The following XPNPEP3 variants were observed in gnomAD, a reference collection of about 807,000 sequenced individuals.
XPNPEP3 encodes the protein X-prolyl aminopeptidase 3, also known as xaa-Pro aminopeptidase 3.
XPNPEP3 carries 41 observed loss-of-function variants against 60.0 expected under a neutral mutation model. The ratio of observed to expected loss-of-function variants is 0.68; its 90% CI spans 0.53 to 0.89. The LOEUF is 0.89. XPNPEP3 is among the 40% of genes least tolerant of loss of function. The pLI is 0.00. For missense variants in XPNPEP3, 598 were observed against 638.9 expected (o/e 0.94, Z 0.69); for synonymous variants, 212 against 223.2 (o/e 0.95, Z 0.45).
chr22:40,907,686 A>C (rs755485853), intron 5 of XPNPEP3, 37 bp downstream of exon 5: 1 of 1,585,556 alleles, frequency 6.3e-7, no homozygotes, highest in South Asian at 1.1e-5. Flanking sequence ...ATCTTGTTGG[A>C]GGTGAATATA....
In XPNPEP3 at chr22:40,879,292, A is replaced by G. The variant is rs148999693; in HGVS notation, c.182-2478A>G. On this transcript the variant is annotated intron_variant, in intron 2 of 9. Coordinates refer to ENST00000357137, the MANE Select transcript of XPNPEP3 (RefSeq NM_022098.4). ...CTCTCTCTTATTTCTTGCCAACTTC[A>G]TCAACAAAAACATAAATTTGTTTCT... 5.9e-5 allele frequency among the ~76,000 whole-genome samples: 9 copies of G among 152,326 alleles called. No homozygotes were observed. In the East Asian group the frequency reaches 1.7e-3, roughly 29 times the overall value.
chr22:40,891,062 G>A (rs1286445957), intron 4 of XPNPEP3, among the ~76,000 whole-genome samples: 1 of 150,914 alleles, frequency 6.6e-6, no homozygotes, highest in Non-Finnish European at 1.5e-5. Flanking sequence ...ACATGATTTG[G>A]CCAGATGTGG....
chr22:40,905,766 G>A (rs1022994308), intron 4 of XPNPEP3, among the ~76,000 whole-genome samples: 10 of 152,026 alleles, frequency 6.6e-5, no homozygotes, highest in African/African-American at 1.4e-4. Flanking sequence ...TGGCAATGCC[G>A]TTCAACCTCA....
chr22:40,913,724 G>T (rs1386253025), intron 6 of XPNPEP3, among the ~76,000 whole-genome samples: 1 of 152,112 alleles, frequency 6.6e-6, no homozygotes, highest in Non-Finnish European at 1.5e-5. Flanking sequence ...TTGTGGCAGG[G>T]TGAATTCATC....
chr22:40,866,061 A>G (rs928474990), intron 1 of XPNPEP3, among the ~76,000 whole-genome samples: 2 of 152,164 alleles, frequency 1.3e-5, no homozygotes, highest in Non-Finnish European at 2.9e-5. Flanking sequence ...TTTCCAATAA[A>G]TATCTCAGGC....
intron 4 of XPNPEP3, among the ~76,000 whole-genome samples, 155 bp from the exon 5 acceptor site, chr22:40,907,431 CA>C (rs951661261): frequency 2.6e-5 from 4 of 151,242 alleles, no homozygotes; most frequent in Admixed American, 1.3e-4. Flanking sequence ...AAAAAAAAAA[CA>C]AAAAAAACTG....
chr22:40,901,349 C>G (rs1312603148), intron 4 of XPNPEP3, among the ~76,000 whole-genome samples: 6 of 151,202 alleles, frequency 4.0e-5, no homozygotes, highest in African/African-American at 1.5e-4. Flanking sequence ...ATTCTCTTGC[C>G]TCAGCCTCCC....
chr22:40,881,148 C>CCTGCCTCA (rs1394603160), intron 2 of XPNPEP3, among the ~76,000 whole-genome samples: 2 of 151,856 alleles, frequency 1.3e-5, no homozygotes, highest in Non-Finnish European at 2.9e-5. Flanking sequence ...CAGGTTCAAG[C>CCTGCCTCA]GATTCTCCTG....
At chr22:40,917,131 C>G (rs1161068935) in intron 7 of XPNPEP3, 3 of 152,224 alleles carry the variant, frequency 2.0e-5, no homozygotes, top group Non-Finnish European at 2.9e-5. Flanking sequence ...GTGGCATGCA[C>G]CTATAGTCTC....
chr22:40,888,852 T>G (rs2058078678), intron 4 of XPNPEP3, among the ~76,000 whole-genome samples: 1 of 152,136 alleles, frequency 6.6e-6, no homozygotes, highest in South Asian at 2.1e-4. Context: ...ACCAAGGGTT[T>G]CAATTTCTCC....
At chr22:40,919,839 A>T (rs553561843) in intron 7 of XPNPEP3, among the ~76,000 whole-genome samples, 2 of 152,350 alleles carry the variant, frequency 1.3e-5, no homozygotes, top group Admixed American at 1.3e-4. Context: ...GTAATAAAAA[A>T]GAACATTTTA....
At chr22:40,892,632 C>A (rs2058092464) in intron 4 of XPNPEP3, among the ~76,000 whole-genome samples, 1 of 152,128 alleles carries the variant, frequency 6.6e-6, no homozygotes, top group African/African-American at 2.4e-5. Flanking sequence ...GTTAGTACAA[C>A]TATTTGTACA....
chr22:40,860,642 A>G (rs1331303375), intron 1 of XPNPEP3: 11 of 1,308,720 alleles, frequency 8.4e-6, no homozygotes, highest in Non-Finnish European at 1.1e-5. Context: ...AACTCATTGC[A>G]GTTTTCCAAA....
chr22:40,908,282 G>C (rs900016624), intron 5 of XPNPEP3, among the ~76,000 whole-genome samples: 3 of 151,652 alleles, frequency 2.0e-5, no homozygotes, highest in Non-Finnish European at 2.9e-5. Context: ...TACTTTGGAA[G>C]GCTGAGATGG....
chr22:40,901,086 C>T (rs1569026392), intron 4 of XPNPEP3, among the ~76,000 whole-genome samples: 1 of 151,598 alleles, frequency 6.6e-6, no homozygotes, highest in African/African-American at 2.4e-5. Flanking sequence ...GAGACCTCCT[C>T]TCTTTTTATT....
intron 2 of XPNPEP3, among the ~76,000 whole-genome samples, chr22:40,878,070 G>A (rs1054623591): frequency 3.9e-5 from 6 of 152,100 alleles, no homozygotes; most frequent in African/African-American, 1.4e-4. Flanking sequence ...GCCGGGCGTG[G>A]TGGCACATTC....
At chr22:40,882,692 T>C (rs1438360492) in intron 3 of XPNPEP3, among the ~76,000 whole-genome samples, 1 of 151,450 alleles carries the variant, frequency 6.6e-6, no homozygotes, top group Non-Finnish European at 1.5e-5. Flanking sequence ...GCCAGTGAGC[T>C]AAGATCCCGC....
intron 7 of XPNPEP3, among the ~76,000 whole-genome samples, chr22:40,922,007 G>GGGATTAAACA (rs1851880389): frequency 2.6e-5 from 4 of 151,870 alleles, no homozygotes; most frequent in Admixed American, 2.6e-4. Context: ...TATGCTGTAA[G>GGGATTAAACA]GGATTAAACA....
At chr22:40,872,504 G>A (rs981361250) in intron 2 of XPNPEP3, among the ~76,000 whole-genome samples, 1 of 151,674 alleles carries the variant, frequency 6.6e-6, no homozygotes, top group African/African-American at 2.4e-5. Flanking sequence ...AGGCTGGAGT[G>A]CAATGACACA....
Sources: gnomAD v4.1 joint callset for allele counts (sites outside exome capture counted in the v4.1 genomes callset) on GRCh38, gnomAD v4.1.1 for gene constraint, MANE v1.5 for transcripts, NCBI Gene and HGNC (gene_info 2026-07-23, HGNC 2026-07-21) for gene names.